The following FGGY variants were observed in gnomAD, a reference collection of about 807,000 sequenced individuals.
FGGY encodes the protein FGGY carbohydrate kinase domain-containing protein.
Under a neutral mutation model 71.3 loss-of-function variants are expected in FGGY, and 72 were observed. That is an observed-to-expected ratio of 1.01 (90% confidence interval 0.84 to 1.23). FGGY has a LOEUF of 1.23. Ranked by LOEUF, FGGY falls within the 50% of genes most tolerant of loss-of-function variation. The probability of loss-of-function intolerance (pLI) is 0.00; values close to 1 mark genes in which losing one functional copy is unlikely to be tolerated. For synonymous variants in FGGY, 251 were observed against 250.3 expected (o/e 1.00, Z -0.02); for missense variants, 668 against 682.3 (o/e 0.98, Z 0.23).
At chr1:59,364,872 C>T (rs943379627) in intron 4 of FGGY, among the ~76,000 whole-genome samples, 4 of 152,134 alleles carry the variant, frequency 2.6e-5, no homozygotes, top group African/African-American at 9.7e-5. Context: ...GAGGTGGGCA[C>T]CTCTTCATGA....
chr1:59,446,396 GC>G (rs1266416721), intron 5 of FGGY, among the ~76,000 whole-genome samples: 1 of 152,022 alleles, frequency 6.6e-6, no homozygotes, highest in Non-Finnish European at 1.5e-5. Context: ...ATTTAATATT[GC>G]CCTGTGTTGC....
At chr1:59,614,035 C>T (rs900513907) in intron 9 of FGGY, among the ~76,000 whole-genome samples, 11 of 152,242 alleles carry the variant, frequency 7.2e-5, no homozygotes, top group African/African-American at 1.9e-4. Context: ...AAGTACAGGA[C>T]CAGACGGATT....
intron 15 of FGGY, among the ~76,000 whole-genome samples, chr1:59,759,282 C>T (rs1383297320): frequency 6.6e-6 from 1 of 152,116 alleles, no homozygotes; most frequent in Non-Finnish European, 1.5e-5. Flanking sequence ...TAGAGTCAGG[C>T]TGCTAACCCT....
At chr1:59,641,446 C>T (rs2097026338) in intron 11 of FGGY, 1 of 1,001,270 alleles carries the variant, frequency 1.0e-6, no homozygotes, top group African/African-American at 1.7e-5. Flanking sequence ...CCAGGTAATA[C>T]AAAGAAAACA....
At chr1:59,344,539 A>T (rs2051381481) in intron 3 of FGGY, among the ~76,000 whole-genome samples, 1 of 152,122 alleles carries the variant, frequency 6.6e-6, no homozygotes, top group South Asian at 2.1e-4. Context: ...CTTTTACTAC[A>T]TATGTGTATA....
chr1:59,628,182 C>A (rs985915866), intron 10 of FGGY, among the ~76,000 whole-genome samples: 9 of 152,086 alleles, frequency 5.9e-5, no homozygotes, highest in African/African-American at 1.9e-4. Context: ...TGGCAGACAC[C>A]ACCTTACCCA....
chr1:59,322,903 A>C (rs1045138663), intron 2 of FGGY, among the ~76,000 whole-genome samples: 2 of 152,062 alleles, frequency 1.3e-5, no homozygotes, highest in African/African-American at 4.8e-5. Flanking sequence ...TTAAATATTC[A>C]TGAGGTGCTT....
At chr1:59,374,041 G>A (rs377519282) in intron 4 of FGGY, among the ~76,000 whole-genome samples, 195 of 152,126 alleles carry the variant, frequency 1.3e-3, no homozygotes, top group African/African-American at 4.2e-3. Flanking sequence ...ACAAAAGCCA[G>A]AATTGACAAA....
chr1:59,327,877 C>G (rs1473427509), intron 2 of FGGY, among the ~76,000 whole-genome samples: 1 of 152,150 alleles, frequency 6.6e-6, no homozygotes, highest in Non-Finnish European at 1.5e-5. Flanking sequence ...TGAGGAGTAA[C>G]ACTTTGAAAG....
chr1:59,377,531 A>G (rs2058810926), intron 4 of FGGY, among the ~76,000 whole-genome samples: 1 of 152,154 alleles, frequency 6.6e-6, no homozygotes. Flanking sequence ...ATTACCTCCT[A>G]CAGGGTACCT....
At position 59,535,343 on chromosome 1, in the gene FGGY, T is replaced by A. The variant is rs1453396919; in HGVS notation, c.800-18781T>A. ...CCAGATTCATAAAGCAAGTCCTGAG[T>A]GACCTACAAAGAGACTTAGACTCCC... On this transcript the variant is annotated intron_variant, in intron 7 of 15. Transcript: ENST00000303721. Among the ~76,000 whole-genome samples the A allele has an allele frequency of 2.0e-5, 3 of 151,888 alleles. No individual in the cohort carries two copies. In the East Asian group the frequency reaches 5.8e-4, roughly 29 times the overall value.
rs545115630 is a variant in FGGY at position 59,589,661 on chromosome 1, A to G, written c.904-18142A>G. ...CTCAAAACCGCTCAACTACATGGAA[A>G]CTGAACAACCTGCTCCTGAATGACT... On this transcript the variant is annotated intron_variant, in intron 8 of 15. Coordinates refer to ENST00000303721, the MANE Select transcript of FGGY (RefSeq NM_018291.5). 2.0e-5 allele frequency among the ~76,000 whole-genome samples: 3 copies of G among 152,216 alleles called. No individual in the cohort carries two copies. In the East Asian group the frequency reaches 5.8e-4, roughly 29 times the overall value.
chr1:59,401,899 G>A (rs953622388), intron 5 of FGGY, among the ~76,000 whole-genome samples: 1 of 152,202 alleles, frequency 6.6e-6, no homozygotes, highest in African/African-American at 2.4e-5. Flanking sequence ...ATGGGGGAGA[G>A]TGGGGCCTCA....
At chr1:59,366,151 T>C (rs2056549020) in intron 4 of FGGY, among the ~76,000 whole-genome samples, 1 of 152,220 alleles carries the variant, frequency 6.6e-6, no homozygotes, top group South Asian at 2.1e-4. Flanking sequence ...TATAAGTTTT[T>C]CTTTTCGTAC....
intron 11 of FGGY, among the ~76,000 whole-genome samples, chr1:59,648,877 T>C (rs1200830066): frequency 6.6e-6 from 1 of 152,156 alleles, no homozygotes; most frequent in East Asian, 1.9e-4. Context: ...GTTTTTATGG[T>C]TTTAGGTCTA....
At chr1:59,434,611 G>A (rs1253697282) in intron 5 of FGGY, among the ~76,000 whole-genome samples, 1 of 152,172 alleles carries the variant, frequency 6.6e-6, no homozygotes, top group Non-Finnish European at 1.5e-5. Context: ...TGTTCTGGAG[G>A]CTAGGAAGTC....
At chr1:59,332,034 T>G (rs1367912974) in intron 2 of FGGY, 1 of 152,160 alleles carries the variant, frequency 6.6e-6, no homozygotes, top group Non-Finnish European at 1.5e-5. Flanking sequence ...TAAAACCAGG[T>G]ATGCATCTGA....
At chr1:59,587,217 TGCAAGGCGGCA>T (rs2096313630) in intron 8 of FGGY, among the ~76,000 whole-genome samples, 1 of 152,116 alleles carries the variant, frequency 6.6e-6, no homozygotes, top group South Asian at 2.1e-4. Flanking sequence ...GAGATCAAAC[TGCAAGGCGGCA>T]GCAAGGCTGG....
At chr1:59,379,197 T>TCACA (rs2059075336) in intron 5 of FGGY, among the ~76,000 whole-genome samples, 3 of 83,622 alleles carry the variant, frequency 3.6e-5, no homozygotes, top group African/African-American at 1.5e-4. Context: ...ACACACAGAG[T>TCACA]CACGCATTCC....
Sources: allele counts gnomAD v4.1 joint callset (sites outside exome capture counted in the v4.1 genomes callset), GRCh38; gene constraint gnomAD v4.1.1; transcripts MANE v1.5; gene names NCBI Gene and HGNC (gene_info 2026-07-23, HGNC 2026-07-21).